The following EIPR1 variants were observed in gnomAD, a reference collection of about 807,000 sequenced individuals.
EIPR1 encodes the protein EARP complex and GARP complex interacting protein 1, also known as EARP and GARP complex-interacting protein 1.
Under a neutral mutation model 48.1 loss-of-function variants are expected in EIPR1, and 25 were observed. The ratio of observed to expected loss-of-function variants is 0.52; its 90% confidence interval spans 0.38 to 0.73. EIPR1 has a LOEUF of 0.73. EIPR1 is among the 30% of genes least tolerant of loss of function. EIPR1 has a pLI of 0.00. For synonymous variants in EIPR1, 204 were observed against 201.9 expected (o/e 1.01, Z -0.09); for missense variants, 415 against 506.2 (o/e 0.82, Z 1.73).
At chr2:3,270,358 G>A (rs1046773942) in intron 3 of EIPR1, among the ~76,000 whole-genome samples, 4 of 152,126 alleles carry the variant, frequency 2.6e-5, no homozygotes, top group East Asian at 1.9e-4. Context: ...TGTGCTCTGC[G>A]GGGTACCTCC....
chr2:3,208,588 A>T lies in EIPR1; in HGVS notation c.516+5561T>A, dbSNP rs142625670. 141 of 1,550,574 alleles carry T rather than the reference A, an allele frequency of 9.1e-5. No homozygotes were observed. The East Asian group carries it at 3.3e-3, about 37-fold the overall frequency. On this transcript the variant is annotated intron_variant, in intron 5 of 8. Coordinates refer to ENST00000382125, the MANE Select transcript of EIPR1 (RefSeq NM_003310.5). ...GGAAAAGTCCTTATTACCCTCTCCAAAGTGAGCTCACTGAGTGTCTGTTGA... is the reference window on the plus strand; with the variant it reads ...GGAAAAGTCCTTATTACCCTCTCCATAGTGAGCTCACTGAGTGTCTGTTGA...
At chr2:3,375,443 C>T (rs1260993212) in intron 1 of EIPR1, among the ~76,000 whole-genome samples, 1 of 151,610 alleles carries the variant, frequency 6.6e-6, no homozygotes, top group Non-Finnish European at 1.5e-5. Flanking sequence ...CTCAAAGATA[C>T]AATACTGAAG....
rs1372283491 is a variant in EIPR1 at position 3,312,133 on chromosome 2, G to T, written c.259+25884C>A. 6.6e-6 allele frequency among the ~76,000 whole-genome samples: 1 copy of T among 152,074 alleles called. No individual in the cohort carries two copies. Among genetic ancestry groups the T allele is most frequent in the African/African-American group, 2.4e-5 (1 of 41,392 alleles). On this transcript the variant is annotated intron_variant, in intron 3 of 8. Transcript: ENST00000382125. The surrounding 1 kb of genome is among the most constrained non-coding windows in gnomAD (Gnocchi z 5.5). ...ACTGAAGTGCCTGAAGATGAGTCTC[G>T]GGACGCTCCCAAATTTCCTCAAGTT...
At chr2:3,369,017 G>A (rs1232032995) in intron 1 of EIPR1, among the ~76,000 whole-genome samples, 1 of 152,004 alleles carries the variant, frequency 6.6e-6, no homozygotes, top group African/African-American at 2.4e-5. Context: ...GGATTTGAAT[G>A]TCACTGACAA....
chr2:3,280,606 C>T (rs573799860), intron 3 of EIPR1, among the ~76,000 whole-genome samples: 3 of 152,250 alleles, frequency 2.0e-5, no homozygotes, highest in Non-Finnish European at 4.4e-5. Context: ...ACGAGGTTGC[C>T]TTGTCTAAGT....
At chr2:3,227,790 C>T (rs1171692800) in intron 4 of EIPR1, among the ~76,000 whole-genome samples, 1 of 152,262 alleles carries the variant, frequency 6.6e-6, no homozygotes, top group Non-Finnish European at 1.5e-5. Flanking sequence ...GCTGCTCCAG[C>T]TGTGGCTAAA....
intron 3 of EIPR1, among the ~76,000 whole-genome samples, chr2:3,297,034 G>A (rs1440604125): frequency 1.6e-5 from 2 of 123,408 alleles, no homozygotes; most frequent in African/African-American, 3.1e-5. Context: ...GCAGGTGGTG[G>A]CAGTTTCTCT....
In EIPR1 at chr2:3,195,016, CAT is replaced by C. The variant is rs376561196; in HGVS notation, c.654-852_654-851del. 6.6e-4 allele frequency among the ~76,000 whole-genome samples: 100 copies of C among 152,384 alleles called. 1 individual carries two copies. Among genetic ancestry groups the C allele is most frequent in the African/African-American group, 2.2e-3 (92 of 41,588 alleles). On this transcript the variant is annotated intron_variant, in intron 6 of 8. Coordinates refer to ENST00000382125, the MANE Select transcript of EIPR1 (RefSeq NM_003310.5). ...ACGCCCACACATGTATGTACACACA[CAT>C]GCACACATCTATGCATGAGAGGGCA...
chr2:3,288,091 A>G (rs1668261782), intron 3 of EIPR1, among the ~76,000 whole-genome samples: 1 of 152,172 alleles, frequency 6.6e-6, no homozygotes, highest in African/African-American at 2.4e-5. Flanking sequence ...ACGGGGTGGC[A>G]TCCTGATGCG....
intron 1 of EIPR1, among the ~76,000 whole-genome samples, chr2:3,366,936 T>C (rs1033354549): frequency 2.0e-5 from 3 of 151,926 alleles, no homozygotes; most frequent in African/African-American, 4.8e-5. Flanking sequence ...ACCCAGCTAC[T>C]CAGGAGGCTG....
chr2:3,322,174 T>C (rs923769595), intron 3 of EIPR1, among the ~76,000 whole-genome samples: 2 of 152,166 alleles, frequency 1.3e-5, no homozygotes, highest in African/African-American at 4.8e-5. Context: ...CCGTGGTGCC[T>C]TGGCTTTAGG....
chr2:3,296,487 C>T (rs1453577219), intron 3 of EIPR1, among the ~76,000 whole-genome samples: 1 of 148,330 alleles, frequency 6.7e-6, no homozygotes, highest in Middle Eastern at 3.7e-3. Flanking sequence ...CCAACCCATC[C>T]TCTCCACACA....
intron 5 of EIPR1, chr2:3,208,434 T>G (rs1242271136): frequency 6.8e-7 from 1 of 1,476,524 alleles, no homozygotes; most frequent in African/African-American, 1.4e-5. Context: ...CTTCAGACAC[T>G]TCCTCTGCTT....
intron 1 of EIPR1, among the ~76,000 whole-genome samples, chr2:3,354,922 A>G (rs946928208): frequency 2.6e-5 from 4 of 152,258 alleles, no homozygotes; most frequent in Non-Finnish European, 4.4e-5. Flanking sequence ...AATTTTTAGT[A>G]AAACTATTAT....
At chr2:3,249,768 C>T (rs1237185171) in intron 4 of EIPR1, among the ~76,000 whole-genome samples, 4 of 152,198 alleles carry the variant, frequency 2.6e-5, no homozygotes, top group Non-Finnish European at 5.9e-5. Flanking sequence ...AGGCCAGGCC[C>T]GGGGCCCCAC....
chr2:3,251,862 C>T (rs1230196977), intron 4 of EIPR1, among the ~76,000 whole-genome samples: 1 of 152,178 alleles, frequency 6.6e-6, no homozygotes, highest in Non-Finnish European at 1.5e-5. Flanking sequence ...ACACAAATGG[C>T]TCCTTCTGTT....
At chr2:3,252,229 A>G (rs1230206500) in intron 4 of EIPR1, among the ~76,000 whole-genome samples, 1 of 152,208 alleles carries the variant, frequency 6.6e-6, no homozygotes, top group South Asian at 2.1e-4. Context: ...CAGCGTCCAC[A>G]GAGAACACCA....
At chr2:3,341,967 T>C (rs1202997844) in intron 2 of EIPR1, among the ~76,000 whole-genome samples, 2 of 152,188 alleles carry the variant, frequency 1.3e-5, no homozygotes, top group African/African-American at 4.8e-5. Flanking sequence ...ATATTTATTA[T>C]ATTAGCCAAC....
At chr2:3,326,757 G>A (rs1329802362) in intron 3 of EIPR1, among the ~76,000 whole-genome samples, 1 of 152,164 alleles carries the variant, frequency 6.6e-6, no homozygotes, top group Non-Finnish European at 1.5e-5. Context: ...TCCTCCTACT[G>A]ATTTATTCAG....
Sources: gnomAD v4.1 joint callset for allele counts (sites outside exome capture counted in the v4.1 genomes callset) on GRCh38, gnomAD v4.1.1 for gene constraint, Gnocchi (gnomAD v3.1) non-coding constraint, MANE v1.5 for transcripts, NCBI Gene and HGNC (gene_info 2026-07-23, HGNC 2026-07-21) for gene names.